The following SPAM1 variants were observed in gnomAD, a reference collection of about 807,000 sequenced individuals.
The protein encoded by SPAM1 is sperm adhesion molecule 1.
In SPAM1, 22 loss-of-function variants were observed where a neutral mutation model predicts 29.6. The observed-to-expected ratio is 0.74, with a 90% CI of 0.53 to 1.06. The LOEUF is 1.06. SPAM1 is among the 50% of genes least tolerant of loss of function. The probability of loss-of-function intolerance (pLI) is 0.00; values close to 1 mark genes in which losing one functional copy is unlikely to be tolerated. For synonymous variants in SPAM1, 194 were observed against 204.6 expected, an observed-to-expected ratio of 0.95 and a Z score of 0.44; for missense variants, 534 against 604.0, an observed-to-expected ratio of 0.88 and a Z score of 1.21.
rs552422838 is a variant in SPAM1, at chr7:123,954,409, A to G, written c.839A>G (p.Asn280Ser). The stretch of plus-strand genomic sequence containing the variant: ...GTAGCTGCTACACTCTATGTGCGCA[A>G]TCGAGTTCGGGAAGCCATCAGAGTT... ...SPVAATLYVR[N>S]RVREAIRVSK... The change falls in exon 3 of 5, where the codon AAT becomes AGT. Residue 280 changes from asparagine to serine, a missense_variant. Physicochemically the swap from Asn to Ser is conservative, Grantham distance 46 (BLOSUM62 1). Coordinates refer to ENST00000682466, the MANE Select transcript of SPAM1 (RefSeq NM_153189.3). The G allele has an allele frequency of 2.5e-6, 4 of 1,613,448 alleles. No individual in the cohort carries two copies. Among genetic ancestry groups the G allele is most frequent in the African/African-American group, 1.3e-5 (1 of 74,984 alleles).
rs774996576 is a variant in SPAM1 at position 123,954,238 on chromosome 7, A to G, written c.668A>G (p.Asp223Gly). 41 of 1,613,344 alleles carry G rather than the reference A, an allele frequency of 2.5e-5. No individual in the cohort carries two copies. The Middle Eastern group carries it at 4.9e-4, about 19-fold the overall frequency. The stretch of plus-strand genomic sequence containing the variant: ...TTGTGGGGTTATTATCTTTTTCCGG[A>G]TTGTTACAACCATCACTATAAGAAA... ...NHLWGYYLFP[D>G]CYNHHYKKPG... The change falls in exon 3 of 5, where the codon GAT becomes GGT. Residue 223 changes from aspartate to glycine, a missense_variant. Coordinates refer to ENST00000682466, the MANE Select transcript of SPAM1 (RefSeq NM_153189.3).
chr7:123,948,158 T>C (rs1808646473), intron 1 of SPAM1, among the ~76,000 whole-genome samples: 1 of 152,208 alleles, frequency 6.6e-6, no homozygotes, highest in African/African-American at 2.4e-5. Flanking sequence ...AAAGCTCCTT[T>C]CATTCGTGAA....
At chr7:123,964,777 G>T (rs1414601252), downstream of SPAM1, among the ~76,000 whole-genome samples, 1 of 151,982 alleles carries the variant, frequency 6.6e-6, no homozygotes, top group Non-Finnish European at 1.5e-5. Flanking sequence ...CTTTGTAAAA[G>T]CAGGAAAAAC....
chr7:123,948,992 G>A (rs1172959022), intron 1 of SPAM1, among the ~76,000 whole-genome samples: 1 of 139,598 alleles, frequency 7.2e-6, no homozygotes, highest in Non-Finnish European at 1.5e-5. Flanking sequence ...TTTTTTTCCT[G>A]TCTGATACTC....
intron 5 of SPAM1, among the ~76,000 whole-genome samples, chr7:123,967,157 T>C (rs1347489222): frequency 6.6e-6 from 1 of 152,008 alleles, no homozygotes; most frequent in Non-Finnish European, 1.5e-5. Flanking sequence ...TCAAGTCCCC[T>C]GTGCTTCTTC....
At chr7:123,960,900 A>G (rs987268456), downstream of SPAM1, among the ~76,000 whole-genome samples, 3 of 151,964 alleles carry the variant, frequency 2.0e-5, no homozygotes, top group African/African-American at 7.2e-5. Flanking sequence ...AAGCAATAAA[A>G]ATAATTCAAA....
downstream of SPAM1, among the ~76,000 whole-genome samples, chr7:123,961,174 C>T (rs2117074268): frequency 6.6e-6 from 1 of 151,864 alleles, no homozygotes; most frequent in East Asian, 2.0e-4. Context: ...GTGTTGGGAA[C>T]ATGTAAGATT....
At chr7:123,960,097 C>T (rs530948536), downstream of SPAM1, 1,395 of 1,333,206 alleles carry the variant, frequency 1.0e-3, 2 homozygotes, top group Non-Finnish European at 1.3e-3. Context: ...AATAACTATA[C>T]CTAGGAAATG....
At chr7:123,946,488 T>C (rs537601649) in intron 1 of SPAM1, among the ~76,000 whole-genome samples, 12 of 152,242 alleles carry the variant, frequency 7.9e-5, no homozygotes, top group African/African-American at 2.9e-4. Flanking sequence ...TTAATACATT[T>C]AGAAAGTTTA....
At chr7:123,962,714 T>C (rs945525749), downstream of SPAM1, among the ~76,000 whole-genome samples, 2 of 151,926 alleles carry the variant, frequency 1.3e-5, no homozygotes, top group African/African-American at 4.8e-5. Flanking sequence ...AAGTCATTGC[T>C]GCTCATTATG....
chr7:123,954,406 G>T lies in SPAM1; in HGVS notation c.836G>T (p.Arg279Leu), dbSNP rs532636427. The change falls in exon 3 of 5, where the codon CGC (arginine) becomes CTC (leucine). Residue 279 changes from arginine to leucine, a missense_variant. Arg to Leu is a moderately radical substitution (Grantham distance 102). Transcript: ENST00000682466. ...QSPVAATLYV[R>L]NRVREAIRVS... ...CCTGTAGCTGCTACACTCTATGTGC[G>T]CAATCGAGTTCGGGAAGCCATCAGA... The T allele has an allele frequency of 3.1e-6, 5 of 1,613,330 alleles. No homozygotes were observed. Among genetic ancestry groups the T allele is most frequent in the East Asian group, 2.2e-5 (1 of 44,834 alleles).
At chr7:123,970,763 G>A (rs1792488403) in intron 6 of SPAM1, among the ~76,000 whole-genome samples, 1 of 151,822 alleles carries the variant, frequency 6.6e-6, no homozygotes. Context: ...GTATATGAAT[G>A]CATGCATTAC....
intron 4 of SPAM1, among the ~76,000 whole-genome samples, chr7:123,955,437 C>A (rs556179632): frequency 6.6e-6 from 1 of 152,066 alleles, no homozygotes; most frequent in South Asian, 2.1e-4. Context: ...TATATCAGAT[C>A]TTTATCCCCC....
chr7:123,959,228 G>T lies in SPAM1; in HGVS notation c.1045-256G>T, dbSNP rs1431132191. ...CCTGATTATGTTATGAATTACAGAG[G>T]ACGAGCAAGGGTAAGGAATACTAAG... On this transcript the variant is annotated intron_variant, in intron 4 of 4. Transcript: ENST00000682466. Among the ~76,000 whole-genome samples, 5 of 152,046 alleles carry T rather than the reference G, an allele frequency of 3.3e-5. No individual in the cohort carries two copies. The East Asian group carries it at 7.8e-4, about 24-fold the overall frequency.
intron 3 of SPAM1, 116 bp downstream of exon 3, chr7:123,954,640 G>A: frequency 8.3e-5 from 56 of 674,850 alleles, no homozygotes; most frequent in Non-Finnish European, 2.4e-6. Context: ...TCAGGAATGT[G>A]TACACAAGTA....
At chr7:123,954,912 G>A in intron 3 of SPAM1, 85 bp from the exon 4 acceptor site, 1 of 823,614 alleles carries the variant, frequency 1.2e-6, no homozygotes, top group Non-Finnish European at 2.1e-6. Flanking sequence ...TATTGGGTCA[G>A]CATGCTTAGC....
intron 2 of SPAM1, among the ~76,000 whole-genome samples, chr7:123,952,713 A>T (rs1051522267): frequency 2.6e-5 from 4 of 152,090 alleles, no homozygotes; most frequent in Admixed American, 6.6e-5. Context: ...TTTAGTAGAA[A>T]ATACAAAGTA....
chr7:123,967,928 C>A (rs533913409), intron 5 of SPAM1, among the ~76,000 whole-genome samples: 1 of 151,874 alleles, frequency 6.6e-6, no homozygotes, highest in East Asian at 1.9e-4. Flanking sequence ...AGGATAAAGT[C>A]TTGAATTAGG....
downstream of SPAM1, among the ~76,000 whole-genome samples, chr7:123,963,244 T>G (rs1329527468): frequency 2.6e-5 from 4 of 151,940 alleles, no homozygotes; most frequent in African/African-American, 9.7e-5. Flanking sequence ...TATACAATTC[T>G]GCAGTCATTG....
Sources: allele counts gnomAD v4.1 joint callset (sites outside exome capture counted in the v4.1 genomes callset), GRCh38; gene constraint gnomAD v4.1.1; transcripts MANE v1.5; gene names NCBI Gene and HGNC (gene_info 2026-07-23, HGNC 2026-07-21).